Variants in MEMO1 observed in about 807,000 individuals in gnomAD.
MEMO1 encodes the protein protein MEMO1.
Under a neutral mutation model 45.2 loss-of-function variants are expected in MEMO1, and 6 were observed. The observed-to-expected ratio is 0.13, with a 90% CI of 0.07 to 0.26. The LOEUF is 0.26. MEMO1 is among the 10% of genes least tolerant of loss of function. MEMO1 has a pLI of 1.00. For missense variants in MEMO1, 184 were observed against 370.5 expected, an observed-to-expected ratio of 0.50 and a Z score of 4.13; for synonymous variants, 78 against 124.3, an observed-to-expected ratio of 0.63 and a Z score of 2.48.
chr2:31,974,743 C>T (rs1475339973), intron 2 of MEMO1, among the ~76,000 whole-genome samples: 1 of 150,296 alleles, frequency 6.7e-6, no homozygotes, highest in Non-Finnish European at 1.5e-5. Flanking sequence ...TCAGCCTGGG[C>T]AACAAGAGTG....
At chr2:31,871,194 T>C (rs946380382) in intron 8 of MEMO1, among the ~76,000 whole-genome samples, 2 of 152,336 alleles carry the variant, frequency 1.3e-5, no homozygotes, top group East Asian at 1.9e-4. Flanking sequence ...AAACACTTTA[T>C]ATTAAATAAA....
intron 8 of MEMO1, among the ~76,000 whole-genome samples, chr2:31,877,952 G>C (rs549844140): frequency 5.3e-5 from 8 of 152,076 alleles, no homozygotes; most frequent in African/African-American, 1.7e-4. Flanking sequence ...ACTATTCTAG[G>C]CACTTTGTAT....
intron 3 of MEMO1, 27 bp from the exon 4 acceptor site, chr2:31,932,162 A>T (rs924950907): frequency 1.5e-5 from 24 of 1,592,002 alleles, no homozygotes; most frequent in Non-Finnish European, 1.9e-5. Context: ...TTTTAAACTT[A>T]ATCATCAGAT....
intron 6 of MEMO1, among the ~76,000 whole-genome samples, chr2:31,908,891 A>C (rs1680166000): frequency 6.6e-6 from 1 of 152,210 alleles, no homozygotes; most frequent in Non-Finnish European, 1.5e-5. Context: ...AAGTGGGAGA[A>C]AATCTGAGAA....
At chr2:31,978,527 A>C (rs1462882837) in intron 2 of MEMO1, among the ~76,000 whole-genome samples, 1 of 152,214 alleles carries the variant, frequency 6.6e-6, no homozygotes, top group African/African-American at 2.4e-5. Flanking sequence ...TAGCTCACTG[A>C]GCTTACACAA....
chr2:31,970,695 TAAC>T (rs1250884312), intron 2 of MEMO1, among the ~76,000 whole-genome samples: 1 of 151,822 alleles, frequency 6.6e-6, no homozygotes, highest in Non-Finnish European at 1.5e-5. Context: ...CTGACCACTT[TAAC>T]AACATTGCAG....
Position 31,948,950 on chromosome 2 carries a change from A to C in MEMO1, c.62-5567T>G, listed in dbSNP as rs184516736. On this transcript the variant is annotated intron_variant, in intron 2 of 9. Coordinates refer to ENST00000404530, the MANE Select transcript of MEMO1 (RefSeq NM_001301833.4). ...TAATAATTGTATCAAAAATGGGCAA[A>C]AATCTTAATAGACATTTCTCAAAAG... 3.7e-3 allele frequency among the ~76,000 whole-genome samples: 569 copies of C among 152,310 alleles called. 5 individuals are homozygous for C. Among genetic ancestry groups the C allele is most frequent in the African/African-American group, 0.013 (559 of 41,566 alleles).
At chr2:31,943,780 C>T (rs547848318) in intron 2 of MEMO1, among the ~76,000 whole-genome samples, 1 of 152,246 alleles carries the variant, frequency 6.6e-6, no homozygotes, top group Non-Finnish European at 1.5e-5. Flanking sequence ...GAAATGACAT[C>T]CACAGAAGGT....
In MEMO1 at chr2:31,951,658, G is replaced by A. The variant is rs368362340; in HGVS notation, c.62-8275C>T. 2.6e-3 allele frequency among the ~76,000 whole-genome samples: 390 copies of A among 151,854 alleles called. 1 individual carries two copies. Among genetic ancestry groups the A allele is most frequent in the Non-Finnish European group, 3.4e-3 (233 of 67,948 alleles). On this transcript the variant is annotated intron_variant, in intron 2 of 9. Coordinates refer to ENST00000404530, the MANE Select transcript of MEMO1 (RefSeq NM_001301833.4). The stretch of plus-strand genomic sequence containing the variant: ...AGCTATTCTCCTGCCTCAGCCTCCC[G>A]AGTAGCTGGGATTATAGGTGCCTGC...
intron 2 of MEMO1, among the ~76,000 whole-genome samples, chr2:31,990,067 T>C (rs1177742148): frequency 1.3e-5 from 2 of 152,138 alleles, no homozygotes; most frequent in Admixed American, 6.5e-5. Flanking sequence ...CAATGAGCCA[T>C]GAGCATGCCA....
At chr2:31,992,821 A>C (rs1672114242) in intron 2 of MEMO1, among the ~76,000 whole-genome samples, 1 of 152,160 alleles carries the variant, frequency 6.6e-6, no homozygotes, top group African/African-American at 2.4e-5. Flanking sequence ...AATAATAAGG[A>C]GCATTTATAG....
At chr2:31,923,563 G>A (rs1689834295) in intron 4 of MEMO1, 1 of 1,370,108 alleles carries the variant, frequency 7.3e-7, no homozygotes, top group Non-Finnish European at 9.5e-7. Flanking sequence ...TTAAATTAAA[G>A]GCTTACGTGG....
chr2:31,954,060 T>G (rs954312347), intron 2 of MEMO1, among the ~76,000 whole-genome samples: 4 of 152,208 alleles, frequency 2.6e-5, no homozygotes, highest in African/African-American at 9.6e-5. Flanking sequence ...GGGACACATA[T>G]AGCCACATGA....
chr2:31,952,001 T>C (rs1666895502), intron 2 of MEMO1, among the ~76,000 whole-genome samples: 1 of 152,212 alleles, frequency 6.6e-6, no homozygotes, highest in African/African-American at 2.4e-5. Context: ...TTTATGTATC[T>C]GATAGGGCTC....
chr2:31,939,303 T>C (rs1451146388), intron 3 of MEMO1, among the ~76,000 whole-genome samples: 1 of 152,160 alleles, frequency 6.6e-6, no homozygotes, highest in Non-Finnish European at 1.5e-5. Context: ...ATAACATTTA[T>C]TATACGTTAT....
In MEMO1 at chr2:31,903,344, T is replaced by C. The variant is rs184790772; in HGVS notation, c.438-11210A>G. 1.6e-3 allele frequency among the ~76,000 whole-genome samples: 240 copies of C among 150,396 alleles called. 1 individual carries two copies. The highest frequency in any genetic ancestry group is 5.5e-3 in the African/African-American group (223 of 40,858). Reference sequence around the variant, plus strand: ...GATCCTTACCCCTAAGGTGCCAAGGTTGTTGTCATAGTAATACCACTGTGA... The same window carrying C: ...GATCCTTACCCCTAAGGTGCCAAGGCTGTTGTCATAGTAATACCACTGTGA... On this transcript the variant is annotated intron_variant, in intron 6 of 9. Coordinates refer to ENST00000404530, the MANE Select transcript of MEMO1 (RefSeq NM_001301833.4).
chr2:31,949,010 T>A (rs1413659450), intron 2 of MEMO1, among the ~76,000 whole-genome samples: 1 of 152,104 alleles, frequency 6.6e-6, no homozygotes, highest in Admixed American at 6.5e-5. Flanking sequence ...TATGAAAAGG[T>A]GCTCAACATC....
intron 6 of MEMO1, 67 bp from the exon 7 acceptor site, chr2:31,892,201 T>C: frequency 2.8e-6 from 4 of 1,420,014 alleles, no homozygotes; most frequent in South Asian, 2.6e-5. Context: ...CCAAATGTGT[T>C]GGCATTAGAA....
intron 2 of MEMO1, among the ~76,000 whole-genome samples, chr2:32,005,807 A>G (rs905474775): frequency 2.0e-5 from 3 of 152,242 alleles, no homozygotes; most frequent in Non-Finnish European, 4.4e-5. Context: ...TACTATGTAC[A>G]AAACCTATGC....
Sources: gnomAD v4.1 joint callset for allele counts (sites outside exome capture counted in the v4.1 genomes callset) on GRCh38, gnomAD v4.1.1 for gene constraint, MANE v1.5 for transcripts, NCBI Gene and HGNC (gene_info 2026-07-23, HGNC 2026-07-21) for gene names.